Variants in THAP10 observed in about 807,000 individuals in gnomAD.
THAP10 encodes the protein THAP domain containing 10, also known as THAP domain-containing protein 10.
In THAP10, 10 loss-of-function variants were observed where a neutral mutation model predicts 15.7. That is an observed-to-expected ratio of 0.64 (90% CI 0.39 to 1.08). The LOEUF is 1.08. Ranked by LOEUF, THAP10 falls within the 50% of genes least tolerant of loss-of-function variation. THAP10 has a pLI of 0.01. For missense variants in THAP10, 310 were observed against 330.9 expected, an observed-to-expected ratio of 0.94 and a Z score of 0.49; for synonymous variants, 127 against 129.1, an observed-to-expected ratio of 0.98 and a Z score of 0.11.
At chr15:70,887,122 ATCCATCATAAAAAACCTT>A (rs1427205474) in intron 1 of THAP10, among the ~76,000 whole-genome samples, 1 of 152,194 alleles carries the variant, frequency 6.6e-6, no homozygotes, top group Non-Finnish European at 1.5e-5. Context: ...AAGAAATTGA[ATCCATCATAAAAAACCTT>A]TCCAAAAGGA....
In THAP10 at chr15:70,891,841, T is replaced by C; in HGVS notation, c.429+3A>G. Reference sequence around the variant, plus strand: ...TACACAACCTTCGGTGGTCTCTCTTTACCTGTGAAGCTGCAGCCTGCTTCC... The same window carrying C: ...TACACAACCTTCGGTGGTCTCTCTTCACCTGTGAAGCTGCAGCCTGCTTCC... On this transcript the variant is annotated splice_donor_region_variant and intron_variant, in intron 1 of 2. Coordinates refer to ENST00000249861, the MANE Select transcript of THAP10 (RefSeq NM_020147.4). 6.3e-7 allele frequency: 1 copy of C among 1,581,344 alleles called. No individual in the cohort carries two copies. Among genetic ancestry groups the C allele is most frequent in the Non-Finnish European group, 8.6e-7 (1 of 1,166,982 alleles).
intron 1 of THAP10, among the ~76,000 whole-genome samples, chr15:70,888,908 C>T (rs1000288174): frequency 2.6e-5 from 4 of 152,112 alleles, no homozygotes; most frequent in African/African-American, 4.8e-5. Context: ...AACATTACTA[C>T]GCACTCTGCA....
At chr15:70,884,080 T>C (rs938018038) in intron 1 of THAP10, among the ~76,000 whole-genome samples, 1 of 152,058 alleles carries the variant, frequency 6.6e-6, no homozygotes, top group Non-Finnish European at 1.5e-5. Context: ...AGAAAAGATA[T>C]CTGGAAAAGT....
At chr15:70,884,230 T>C (rs1260208177) in intron 1 of THAP10, among the ~76,000 whole-genome samples, 1 of 152,088 alleles carries the variant, frequency 6.6e-6, no homozygotes, top group Non-Finnish European at 1.5e-5. Context: ...CATAGGCTAT[T>C]GATACCCAAG....
At chr15:70,887,800 A>G (rs1305128481) in intron 1 of THAP10, among the ~76,000 whole-genome samples, 1 of 152,216 alleles carries the variant, frequency 6.6e-6, no homozygotes, top group Non-Finnish European at 1.5e-5. Context: ...TTCTCAGATG[A>G]TATTTTTGTA....
chr15:70,891,885 A>G lies in THAP10; in HGVS notation c.388T>C (p.Cys130Arg), dbSNP rs1475026309. 2 of 1,612,140 alleles carry G rather than the reference A, an allele frequency of 1.2e-6. No individual in the cohort carries two copies. Among genetic ancestry groups the G allele is most frequent in the Admixed American group, 1.7e-5 (1 of 59,912 alleles). Residue 130 changes from cysteine (C) to arginine (R), a missense_variant, in exon 1 of 3, where the codon TGT becomes CGT. Coordinates refer to ENST00000249861, the MANE Select transcript of THAP10 (RefSeq NM_020147.4). ...TGCTTCCCAGCTCGGGGGCGTGTAC[A>G]GGAGACTGGACCTGGGGCAGCCTCA... ...HSEAAPGPVS[C>R]TRPRAGKQAA...
Position 70,889,113 on chromosome 15 carries a change from C to T in THAP10, c.429+2731G>A, listed in dbSNP as rs1316664308. ...ATATATCCTCAGAAATGTGTGCACA[C>T]GTGGACCAAAACACATATACAAGAG... On this transcript the variant is annotated intron_variant, in intron 1 of 2. Coordinates refer to ENST00000249861, the MANE Select transcript of THAP10 (RefSeq NM_020147.4). Among the ~76,000 whole-genome samples the T allele has an allele frequency of 2.6e-5, 4 of 152,062 alleles. No homozygotes were observed. The East Asian group carries it at 5.8e-4, about 22-fold the overall frequency.
intron 1 of THAP10, among the ~76,000 whole-genome samples, chr15:70,885,806 T>C (rs578227925): frequency 6.6e-5 from 10 of 152,168 alleles, no homozygotes; most frequent in Non-Finnish European, 1.5e-4. Flanking sequence ...GTAATTAAGA[T>C]AAAAATTCCA....
chr15:70,882,817 C>G lies in THAP10; in HGVS notation c.521G>C (p.Gly174Ala). 2 of 1,614,040 alleles carry G rather than the reference C, an allele frequency of 1.2e-6. No homozygotes were observed. The highest frequency in any genetic ancestry group is 8.5e-7 in the Non-Finnish European group (1 of 1,179,942). Residue 174 changes from glycine to alanine, a missense_variant, in exon 2 of 3, where the codon GGC becomes GCC. By Grantham distance (60) the Gly-to-Ala change is moderately conservative. Transcript: ENST00000249861. ...AATTTGTGTACTTTTATGCACTGGG[C>G]CTTCTTCACAGTGAGTAGGTACTGA... ...VTSVPTHCEEGPVHKSTQISL... is the reference protein window; with the variant it reads ...VTSVPTHCEEAPVHKSTQISL...
Position 70,891,932 on chromosome 15 carries a change from T to C in THAP10, c.341A>G (p.Glu114Gly). 6.2e-7 allele frequency: 1 copy of C among 1,613,748 alleles called. No individual in the cohort carries two copies. Among genetic ancestry groups the C allele is most frequent in the Non-Finnish European group, 8.5e-7 (1 of 1,179,934 alleles). Reference protein sequence around the residue: ...DQAGRLDTRGELQAARHSEAA... With the variant: ...DQAGRLDTRGGLQAARHSEAA... ...CTCAGAATGCCTGGCTGCCTGGAGC[T>C]CTCCTCGCGTGTCCAGGCGGCCTGC... The change falls in exon 1 of 3, where the codon GAG becomes GGG. Residue 114 changes from glutamate (E) to glycine (G), a missense_variant. By Grantham distance (98) the Glu-to-Gly change is moderately conservative. Coordinates refer to ENST00000249861, the MANE Select transcript of THAP10 (RefSeq NM_020147.4).
Position 70,881,559 on chromosome 15 carries a change from T to C in THAP10, c.*895A>G, listed in dbSNP as rs1002646652. 5.9e-5 allele frequency: 9 copies of C among 152,340 alleles called. No homozygotes were observed. The highest frequency in any genetic ancestry group is 2.2e-4 in the African/African-American group (9 of 41,584). The allele number at this position is 152,340 out of a possible 1,614,324, so 9.4% of individuals were successfully genotyped here. Reference sequence around the variant, plus strand: ...TTATAGTATGCTTCTCAGAAACTATTGTAACAGTTTACTTCATGGTACAAA... The same window carrying C: ...TTATAGTATGCTTCTCAGAAACTATCGTAACAGTTTACTTCATGGTACAAA... On this transcript the variant is annotated 3_prime_UTR_variant, in exon 3 of 3. Coordinates refer to ENST00000249861, the MANE Select transcript of THAP10 (RefSeq NM_020147.4).
Position 70,882,813 on chromosome 15 carries a change from T to C in THAP10, c.525A>G (p.Pro175=). 1 of 1,614,224 alleles carries C rather than the reference T, an allele frequency of 6.2e-7. No homozygotes were observed. The highest frequency in any genetic ancestry group is 8.5e-7 in the Non-Finnish European group (1 of 1,180,030). ...AAGAAATTTGTGTACTTTTATGCAC[T>C]GGGCCTTCTTCACAGTGAGTAGGTA... ...TSVPTHCEEG[P]VHKSTQISLK... Residue 175 remains proline, a synonymous_variant, in exon 2 of 3, where the codon CCA becomes CCG. Transcript: ENST00000249861.
At chr15:70,891,567 CTGTGTGTGTG>C (rs3220843) in intron 1 of THAP10, among the ~76,000 whole-genome samples, 1,558 of 137,124 alleles carry the variant, frequency 0.011, 17 homozygotes, top group Admixed American at 0.02. Flanking sequence ...GGACAAGACT[CTGTGTGTGTG>C]TGTGTGTGTG....
intron 1 of THAP10, among the ~76,000 whole-genome samples, chr15:70,886,830 C>T (rs1391032412): frequency 6.6e-6 from 1 of 151,704 alleles, no homozygotes; most frequent in African/African-American, 2.4e-5. Flanking sequence ...TGCGCCACTG[C>T]ACTCCAGCCT....
chr15:70,882,945 G>A (rs2033303309), intron 1 of THAP10, 37 bp from the exon 2 acceptor site: 2 of 1,608,020 alleles, frequency 1.2e-6, no homozygotes. Flanking sequence ...ATATTAAAGT[G>A]TACCTTATAG....
At chr15:70,887,710 T>C (rs938790210) in intron 1 of THAP10, among the ~76,000 whole-genome samples, 5 of 152,166 alleles carry the variant, frequency 3.3e-5, no homozygotes, top group Admixed American at 6.5e-5. Context: ...CCCTCACCTC[T>C]TCTGTTCCCA....
At chr15:70,887,773 A>G (rs1256521348) in intron 1 of THAP10, among the ~76,000 whole-genome samples, 1 of 152,206 alleles carries the variant, frequency 6.6e-6, no homozygotes, top group Non-Finnish European at 1.5e-5. Context: ...AAATAAAAAC[A>G]CGAATATCAA....
Position 70,882,471 on chromosome 15 carries a change from TCACCTG to T in THAP10, c.751_756del (p.Gln251_Val252del). ...TTGAGTTTTTAACATGTTTCTTCTT[TCACCTG>T]TACAGCCATATAAGACAAATCACTC... On this transcript the variant is annotated inframe_deletion, in exon 3 of 3. Transcript: ENST00000249861. The T allele has an allele frequency of 2.5e-6, 4 of 1,610,992 alleles. No individual in the cohort carries two copies. The African/African-American group carries it at 5.3e-5, about 21-fold the overall frequency.
At position 70,882,653 on chromosome 15, in the gene THAP10, G is replaced by A. The variant is rs1294857337; in HGVS notation, c.578-3C>T. On this transcript the variant is annotated splice_region_variant and splice_polypyrimidine_tract_variant and intron_variant, in intron 2 of 2. Transcript: ENST00000249861. ...CGCTTTCACTTTGGCTTGAATACCT[G>A]AAAGAGAATAAGCATAAGTACCTAT... 1.2e-6 allele frequency: 2 copies of A among 1,613,362 alleles called. No homozygotes were observed. The highest frequency in any genetic ancestry group is 3.3e-5 in the Admixed American group (2 of 59,956).
Sources: allele counts gnomAD v4.1 joint callset (sites outside exome capture counted in the v4.1 genomes callset), GRCh38; gene constraint gnomAD v4.1.1; transcripts MANE v1.5; gene names NCBI Gene and HGNC (gene_info 2026-07-23, HGNC 2026-07-21).